The following SPMIP7 variants were observed in gnomAD, a reference collection of about 807,000 sequenced individuals.
The protein encoded by SPMIP7 is sperm microtubule inner protein 7, also known as protein SPMIP7.
the SPMIP7 span, among the ~76,000 whole-genome samples, chr7:50,155,163 T>C: frequency 2.0e-5 from 3 of 152,238 alleles, no homozygotes; most frequent in Admixed American, 6.5e-5. Context: ...GCTGATTGTT[T>C]CCCTCGCTGC....
At chr7:50,096,704 T>C in the SPMIP7 span, 3 of 1,263,766 alleles carry the variant, frequency 2.4e-6, no homozygotes, top group Non-Finnish European at 3.1e-6. Flanking sequence ...GGACATAAGA[T>C]TCAATATTTA....
At chr7:50,096,132 A>G in the SPMIP7 span, 3 of 1,539,608 alleles carry the variant, frequency 1.9e-6, no homozygotes, top group Non-Finnish European at 2.6e-6. Context: ...AGTATCTCTA[A>G]AAGGTCCATC....
chr7:50,150,325 C>T, the SPMIP7 span, among the ~76,000 whole-genome samples: 1 of 152,172 alleles, frequency 6.6e-6, no homozygotes, highest in African/African-American at 2.4e-5. Flanking sequence ...AGAGAAAGGT[C>T]CAAGGATGGC....
chr7:50,110,686 T>TTA, the SPMIP7 span, among the ~76,000 whole-genome samples: 1 of 130,948 alleles, frequency 7.6e-6, no homozygotes, highest in African/African-American at 2.9e-5. Flanking sequence ...ATATAATACA[T>TTA]TATATATACA....
chr7:50,102,926 G>T, the SPMIP7 span, among the ~76,000 whole-genome samples: 9 of 149,948 alleles, frequency 6.0e-5, no homozygotes, highest in Non-Finnish European at 1.2e-4. Flanking sequence ...ACTCATGAAG[G>T]TCACTCTGGA....
the SPMIP7 span, chr7:50,142,507 G>A: frequency 6.6e-6 from 1 of 152,110 alleles, no homozygotes; most frequent in Admixed American, 6.5e-5. Flanking sequence ...ACCTGATTTG[G>A]GCACTAGAGG....
At chr7:50,108,004 T>C in the SPMIP7 span, among the ~76,000 whole-genome samples, 1 of 152,194 alleles carries the variant, frequency 6.6e-6, no homozygotes, top group Non-Finnish European at 1.5e-5. Context: ...TTTTGTCAGG[T>C]CTTGTTAAAT....
At chr7:50,146,915 C>A in the SPMIP7 span, among the ~76,000 whole-genome samples, 1 of 152,184 alleles carries the variant, frequency 6.6e-6, no homozygotes, top group African/African-American at 2.4e-5. Flanking sequence ...CCCCCAGCAC[C>A]CTCCAAGGGA....
the SPMIP7 span, among the ~76,000 whole-genome samples, chr7:50,137,542 T>C: frequency 6.6e-6 from 1 of 152,158 alleles, no homozygotes; most frequent in South Asian, 2.1e-4. Context: ...ATGTCTAGAA[T>C]TGTTGGGTCA....
At chr7:50,149,698 T>C in the SPMIP7 span, among the ~76,000 whole-genome samples, 6 of 152,204 alleles carry the variant, frequency 3.9e-5, no homozygotes, top group Non-Finnish European at 8.8e-5. Context: ...TCCTTGATTA[T>C]ATCACCTGCA....
the SPMIP7 span, among the ~76,000 whole-genome samples, chr7:50,114,200 A>G: frequency 3.9e-5 from 6 of 152,296 alleles, no homozygotes; most frequent in South Asian, 1.2e-3. Context: ...AAGTTCACAC[A>G]ATGAAATAAA....
chr7:50,155,863 C>CACTATACACACATACTGCACATACAGCTG, the SPMIP7 span, among the ~76,000 whole-genome samples: 2 of 148,026 alleles, frequency 1.4e-5, 1 homozygote, highest in Non-Finnish European at 3.0e-5. Flanking sequence ...ACATACAGCT[C>CACTATACACACATACTGCACATACAGCTG]TCATCCATGG....
chr7:50,096,627 C>G, the SPMIP7 span: 1 of 1,541,216 alleles, frequency 6.5e-7, no homozygotes, highest in African/African-American at 1.4e-5. Context: ...TCTATCAGAG[C>G]AAGACTTGGA....
chr7:50,133,058 T>C, the SPMIP7 span, among the ~76,000 whole-genome samples: 18 of 152,256 alleles, frequency 1.2e-4, no homozygotes, highest in African/African-American at 2.2e-4. Flanking sequence ...TAAGTGTGAA[T>C]AGGGCAGGAG....
chr7:50,145,634 A>G, the SPMIP7 span, among the ~76,000 whole-genome samples: 286 of 95,922 alleles, frequency 3.0e-3, 21 homozygotes, highest in African/African-American at 8.6e-3. Flanking sequence ...ATATATATAT[A>G]TATATATATA....
the SPMIP7 span, among the ~76,000 whole-genome samples, chr7:50,102,935 G>A: frequency 6.7e-6 from 1 of 149,350 alleles, no homozygotes; most frequent in Non-Finnish European, 1.5e-5. Context: ...GGTCACTCTG[G>A]AACCCCAGCA....
chr7:50,132,064 T>C, the SPMIP7 span, among the ~76,000 whole-genome samples: 6 of 152,272 alleles, frequency 3.9e-5, no homozygotes, highest in Non-Finnish European at 7.4e-5. Flanking sequence ...GAACGCCTAC[T>C]ATCCCAGGGG....
the SPMIP7 span, among the ~76,000 whole-genome samples, chr7:50,126,422 G>T: frequency 2.0e-5 from 3 of 151,334 alleles, no homozygotes; most frequent in African/African-American, 7.3e-5. Flanking sequence ...AAAACTTCAG[G>T]CCTAGATAGT....
the SPMIP7 span, among the ~76,000 whole-genome samples, chr7:50,126,362 T>C: frequency 5.0e-3 from 745 of 149,398 alleles, 5 homozygotes; most frequent in Middle Eastern, 0.017. Flanking sequence ...TAGAATATGA[T>C]AAATGCATAT....
Sources: allele counts gnomAD v4.1 joint callset (sites outside exome capture counted in the v4.1 genomes callset), GRCh38; gene constraint gnomAD v4.1.1; transcripts MANE v1.5; gene names NCBI Gene and HGNC (gene_info 2026-07-23, HGNC 2026-07-21).